The following PUM3 variants were observed in gnomAD, a reference collection of about 807,000 sequenced individuals.
PUM3 encodes the protein pumilio RNA binding family member 3.
Under a neutral mutation model 84.0 loss-of-function variants are expected in PUM3, and 91 were observed. That is an observed-to-expected ratio of 1.08 (90% CI 0.91 to 1.29). PUM3 has a LOEUF of 1.29. Ranked by LOEUF, PUM3 falls within the 50% of genes most tolerant of loss-of-function variation. The pLI is 0.00. For missense variants in PUM3, 1,067 were observed against 767.5 expected, an observed-to-expected ratio of 1.39 and a Z score of -4.61; for synonymous variants, 321 against 266.7, an observed-to-expected ratio of 1.20 and a Z score of -1.98.
At chr9:2,824,310 T>C (rs540298905) in intron 11 of PUM3, among the ~76,000 whole-genome samples, 1 of 152,364 alleles carries the variant, frequency 6.6e-6, no homozygotes, top group East Asian at 1.9e-4. Flanking sequence ...TAAGGATCTT[T>C]ACCTTTTCCC....
Position 2,830,982 on chromosome 9 carries a change from A to C in PUM3, c.657T>G (p.Val219=). ...LSKAKYSRNI[V]KKFLMYGSKP... ...CTTACCCATACATGAGAAATTTCTT[A>C]ACAATATTTCTCGAATATTTGGCTT... The change falls in exon 7 of 18, where the codon GTT becomes GTG. Residue 219 remains valine (V), a synonymous_variant. Coordinates refer to ENST00000397885, the MANE Select transcript of PUM3 (RefSeq NM_014878.5). 6.7e-7 allele frequency: 1 copy of C among 1,487,376 alleles called. No homozygotes were observed. The allele number at this position is 1,487,376 out of a possible 1,614,324, so 92.1% of individuals were successfully genotyped here. A position where few individuals can be genotyped will look rare whatever the true frequency, so the allele number is the denominator to read the frequency against.
At chr9:2,834,477 A>G (rs1436683413) in intron 3 of PUM3, among the ~76,000 whole-genome samples, 3 of 152,226 alleles carry the variant, frequency 2.0e-5, no homozygotes, top group African/African-American at 7.2e-5. Context: ...ATAAAATTCT[A>G]CTTTTTAAGA....
intron 4 of PUM3, 28 bp from the exon 5 acceptor site, chr9:2,833,460 A>C (rs1272538235): frequency 7.9e-7 from 1 of 1,267,520 alleles, no homozygotes; most frequent in East Asian, 2.4e-5. Context: ...AAGGAAACAC[A>C]GTTGAAATAA....
rs1169529343 is a variant in PUM3 at position 2,819,955 on chromosome 9, G to C, written c.1269+63C>G. 6 of 1,078,652 alleles carry C rather than the reference G, an allele frequency of 5.6e-6. No individual in the cohort carries two copies. In the African/African-American group the frequency reaches 7.7e-5, roughly 14 times the overall value. The allele number at this position is 1,078,652 out of a possible 1,614,324, so 66.8% of individuals were successfully genotyped here. Reference sequence around the variant, plus strand: ...CTTTACACATGCATGGTGAAATCAAGCTTACACATCCACAACTGGTTTATC... The same window carrying C: ...CTTTACACATGCATGGTGAAATCAACCTTACACATCCACAACTGGTTTATC... On this transcript the variant is annotated intron_variant, in intron 13 of 17. Coordinates refer to ENST00000397885, the MANE Select transcript of PUM3 (RefSeq NM_014878.5).
At chr9:2,827,915 A>G (rs1815866702) in intron 9 of PUM3, among the ~76,000 whole-genome samples, 1 of 152,184 alleles carries the variant, frequency 6.6e-6, no homozygotes, top group Non-Finnish European at 1.5e-5. Flanking sequence ...TAGTTGGGGG[A>G]GTGGGGAACC....
chr9:2,820,109 TG>T lies in PUM3; in HGVS notation c.1189-12del. 1 of 1,592,900 alleles carries T rather than the reference TG, an allele frequency of 6.3e-7. No individual in the cohort carries two copies. Reference sequence around the variant, plus strand: ...ATGGGAGTATTGGCCCTGCAAGAATTGGAAGCCAGCAAAGGTTAAAAACAAG... The same window carrying T: ...ATGGGAGTATTGGCCCTGCAAGAATTGAAGCCAGCAAAGGTTAAAAACAAG... On this transcript the variant is annotated splice_polypyrimidine_tract_variant and intron_variant, in intron 12 of 17. Transcript: ENST00000397885.
chr9:2,812,626 T>C (rs901111660), intron 13 of PUM3, among the ~76,000 whole-genome samples: 12 of 152,332 alleles, frequency 7.9e-5, no homozygotes, highest in Non-Finnish European at 1.8e-4. Flanking sequence ...TTAACTACTA[T>C]TTTTCCCAGC....
intron 17 of PUM3, among the ~76,000 whole-genome samples, chr9:2,805,898 C>CA (rs1397864828): frequency 1.3e-5 from 2 of 152,044 alleles, no homozygotes; most frequent in African/African-American, 4.8e-5. Flanking sequence ...CCAATGCTCC[C>CA]AAATGTTAGA....
intron 3 of PUM3, 66 bp from the exon 4 acceptor site, chr9:2,834,232 T>G (rs770920742): frequency 7.0e-7 from 1 of 1,438,066 alleles, no homozygotes; most frequent in Non-Finnish European, 9.5e-7. Flanking sequence ...CAATACAAAT[T>G]AGGTAAAAAG....
chr9:2,820,619 T>C (rs933667601), intron 12 of PUM3, among the ~76,000 whole-genome samples: 1 of 152,152 alleles, frequency 6.6e-6, no homozygotes, highest in African/African-American at 2.4e-5. Flanking sequence ...CTCTGGGTTA[T>C]ACAAATGATT....
intron 13 of PUM3, 129 bp downstream of exon 13, chr9:2,819,889 A>C (rs1406604558): frequency 1.9e-6 from 1 of 524,942 alleles, no homozygotes; most frequent in Non-Finnish European, 3.5e-6. Flanking sequence ...TAATTAACTT[A>C]AAAGTAAGCA....
chr9:2,833,579 T>C, intron 4 of PUM3, 147 bp from the exon 5 acceptor site: 1 of 504,776 alleles, frequency 2.0e-6, no homozygotes, highest in South Asian at 3.6e-5. Flanking sequence ...AAAATTACTA[T>C]TCCAGAGCAG....
At chr9:2,832,790 C>T (rs1485565636) in intron 5 of PUM3, among the ~76,000 whole-genome samples, 2 of 151,992 alleles carry the variant, frequency 1.3e-5, no homozygotes, top group Middle Eastern at 3.2e-3. Context: ...CTCCAGGTGC[C>T]GTAAAACTAT....
At chr9:2,828,553 T>G in intron 9 of PUM3, 122 bp downstream of exon 9, 1 of 630,624 alleles carries the variant, frequency 1.6e-6, no homozygotes, top group South Asian at 2.0e-5. Flanking sequence ...TTTTGCACTC[T>G]TATTTAGAAT....
At chr9:2,811,299 T>C in intron 15 of PUM3, 62 bp downstream of exon 15, 1 of 1,465,376 alleles carries the variant, frequency 6.8e-7, no homozygotes, top group Non-Finnish European at 9.5e-7. Context: ...CCCCACATCG[T>C]CCAAAAACGA....
chr9:2,827,061 C>A lies in PUM3; in HGVS notation c.1035+12G>T, dbSNP rs879875321. The A allele has an allele frequency of 6.9e-6, 11 of 1,602,616 alleles. No homozygotes were observed. Among genetic ancestry groups the A allele is most frequent in the Middle Eastern group, 1.7e-4 (1 of 6,040 alleles). ...CCATGTTTTAGTTTAAAAACAAAAA[C>A]CAAGAACTTACTGATCTGAGTTTGG... is the stretch of plus-strand genomic sequence containing the variant. On this transcript the variant is annotated intron_variant, in intron 10 of 17. Coordinates refer to ENST00000397885, the MANE Select transcript of PUM3 (RefSeq NM_014878.5).
intron 12 of PUM3, among the ~76,000 whole-genome samples, chr9:2,822,971 G>C (rs1187987333): frequency 6.6e-6 from 1 of 151,752 alleles, no homozygotes; most frequent in Non-Finnish European, 1.5e-5. Flanking sequence ...TTTCAAACAA[G>C]TTGAAGTATT....
chr9:2,818,262 G>A (rs368932475), intron 13 of PUM3, among the ~76,000 whole-genome samples: 1 of 152,232 alleles, frequency 6.6e-6, no homozygotes, highest in South Asian at 2.1e-4. Flanking sequence ...TCAGTTACAG[G>A]AAAGAGATCG....
chr9:2,804,603 G>T, intron 17 of PUM3, 140 bp from the exon 18 acceptor site: 1 of 782,654 alleles, frequency 1.3e-6, no homozygotes, highest in South Asian at 2.5e-5. Flanking sequence ...TTCAAAGGAT[G>T]AATGATGAGA....
Sources: allele counts gnomAD v4.1 joint callset (sites outside exome capture counted in the v4.1 genomes callset), GRCh38; gene constraint gnomAD v4.1.1; transcripts MANE v1.5; gene names NCBI Gene and HGNC (gene_info 2026-07-23, HGNC 2026-07-21).